RNF19A: variants seen among roughly 807,000 people sequenced by gnomAD.
RNF19A encodes the protein ring finger protein 19A, RBR E3 ubiquitin protein ligase.
Under a neutral mutation model 75.7 loss-of-function variants are expected in RNF19A, and 32 were observed. The observed-to-expected ratio is 0.42, with a 90% CI of 0.32 to 0.57. RNF19A has a LOEUF of 0.57. RNF19A is among the 20% of genes least tolerant of loss of function. RNF19A has a pLI of 0.10. For synonymous variants in RNF19A, 335 were observed against 345.2 expected (o/e 0.97, Z 0.33); for missense variants, 782 against 1,036.3 (o/e 0.75, Z 3.37).
At chr8:100,295,220 T>C (rs969707620) in intron 1 of RNF19A, among the ~76,000 whole-genome samples, 2 of 152,246 alleles carry the variant, frequency 1.3e-5, no homozygotes, top group African/African-American at 4.8e-5. Flanking sequence ...TTGATTTTTA[T>C]TTGGACATAC....
chr8:100,298,825 A>G (rs1180777988), intron 1 of RNF19A, among the ~76,000 whole-genome samples: 1 of 152,242 alleles, frequency 6.6e-6, no homozygotes, highest in Non-Finnish European at 1.5e-5. Context: ...AATTTCTCCA[A>G]TAAAAAACAT....
At position 100,287,857 on chromosome 8, in the gene RNF19A, GTTC is replaced by G. The variant is rs1341117279; in HGVS notation, c.315_317del (p.Lys105del). The G allele has an allele frequency of 3.1e-6, 5 of 1,614,030 alleles. No homozygotes were observed. Among genetic ancestry groups the G allele is most frequent in the East Asian group, 2.2e-5 (1 of 44,898 alleles). The stretch of plus-strand genomic sequence containing the variant: ...AAGAGGTATTTGTAGAGAAAATGGA[GTTC>G]TTATCAGTACACATTTCAGAATGTA... On this transcript the variant is annotated inframe_deletion, in exon 2 of 10. Transcript: ENST00000341084. This position sits in a 1 kb window ranked among gnomAD's most constrained non-coding sequence, Gnocchi z 4.1.
Position 100,287,845 on chromosome 8 carries a change from A to G in RNF19A, c.330T>C (p.Ser110=). 1 of 1,614,190 alleles carries G rather than the reference A, an allele frequency of 6.2e-7. No individual in the cohort carries two copies. Among genetic ancestry groups the G allele is most frequent in the Non-Finnish European group, 8.5e-7 (1 of 1,180,006 alleles). The change falls in exon 2 of 10, where the codon TCT becomes TCC. Residue 110 remains serine, a synonymous_variant. Coordinates refer to ENST00000341084, the MANE Select transcript of RNF19A (RefSeq NM_183419.4). The surrounding 1 kb of genome is among the most constrained non-coding windows in gnomAD (Gnocchi z 4.1). ...EMCTDKNSIF[S]TNTSSDNGLT... is the part of the protein sequence containing the mutation. ...ATCCATTGTCAGAAGAGGTATTTGT[A>G]GAGAAAATGGAGTTCTTATCAGTAC...
chr8:100,270,802 C>T (rs1292347523), intron 3 of RNF19A, among the ~76,000 whole-genome samples: 1 of 152,120 alleles, frequency 6.6e-6, no homozygotes, highest in Non-Finnish European at 1.5e-5. Flanking sequence ...CCCATTTACT[C>T]AACTGTTGTT....
At position 100,264,425 on chromosome 8, in the gene RNF19A, T is replaced by C; in HGVS notation, c.1307-230A>G. ...GGGAAAAAGAGAGAGATGCAAACTT[T>C]TTTCTTTTGAAGTGCCAGGCCTCCG... On this transcript the variant is annotated intron_variant, in intron 6 of 9. Transcript: ENST00000341084. The surrounding 1 kb of genome is among the most constrained non-coding windows in gnomAD (Gnocchi z 4.7). 7.0e-6 allele frequency: 4 copies of C among 575,080 alleles called. No homozygotes were observed. The South Asian group carries it at 9.9e-5, about 14-fold the overall frequency. The allele number at this position is 575,080 out of a possible 1,614,324, so 35.6% of individuals were successfully genotyped here.
chr8:100,318,501 T>C (rs145312313), intron 1 of RNF19A, among the ~76,000 whole-genome samples: 3,323 of 152,274 alleles, frequency 0.022, 67 homozygotes, highest in Non-Finnish European at 0.035. Context: ...AAAAAATGGG[T>C]GCTAATTGTT....
At chr8:100,309,809 A>T (rs556620963) in intron 1 of RNF19A, 58 bp downstream of exon 1, 1 of 985,524 alleles carries the variant, frequency 1.0e-6, no homozygotes, top group East Asian at 1.1e-4. Flanking sequence ...GTCGTAAGCG[A>T]GAGCCGCCCC....
chr8:100,303,761 T>TA (rs60110792), intron 1 of RNF19A, among the ~76,000 whole-genome samples: 10,281 of 94,244 alleles, frequency 0.11, 656 homozygotes, highest in African/African-American at 0.18. Context: ...TCGCCGCTTG[T>TA]AAAAAAAAAA....
In RNF19A at chr8:100,269,360, A is replaced by C. The variant is rs1032151268; in HGVS notation, c.1029-413T>G. On this transcript the variant is annotated intron_variant, in intron 4 of 9. Coordinates refer to ENST00000341084, the MANE Select transcript of RNF19A (RefSeq NM_183419.4). This position sits in a 1 kb window ranked among gnomAD's most constrained non-coding sequence, Gnocchi z 5.7. ...AAACGATAAAATTTATGTATGGGAA[A>C]ATTCAATGAAGTATAAGGTAAGAAC... Among the ~76,000 whole-genome samples, 1 of 152,054 alleles carries C rather than the reference A, an allele frequency of 6.6e-6. No individual in the cohort carries two copies. The highest frequency in any genetic ancestry group is 2.4e-5 in the African/African-American group (1 of 41,530).
rs1822520282 is a variant in RNF19A at position 100,325,352 on chromosome 8, T to A, written c.-243+10756A>T. ...AGTAGTTACAATGTAACTGTGTAAA[T>A]TTATAAATTATAAAATTACAAAGTA... On this transcript the variant is annotated intron_variant, in intron 1 of 3. Transcript: ENST00000519527. This position sits in a 1 kb window ranked among gnomAD's most constrained non-coding sequence, Gnocchi z 4.3. Among the ~76,000 whole-genome samples the A allele has an allele frequency of 6.6e-5, 10 of 152,224 alleles. No homozygotes were observed. In the South Asian group the frequency reaches 1.9e-3, roughly 28 times the overall value.
upstream of RNF19A, chr8:100,310,283 C>T (rs1822254496): frequency 1.0e-6 from 1 of 976,190 alleles, no homozygotes; most frequent in Non-Finnish European, 1.2e-6. Flanking sequence ...CGCGCCCGCG[C>T]AGGAGCCGCC....
intron 2 of RNF19A, among the ~76,000 whole-genome samples, chr8:100,277,965 G>A (rs967982121): frequency 6.6e-6 from 1 of 152,174 alleles, no homozygotes; most frequent in Non-Finnish European, 1.5e-5. Flanking sequence ...GTGTATGCAG[G>A]AGACAATGCC....
At position 100,261,824 on chromosome 8, in the gene RNF19A, A is replaced by C; in HGVS notation, c.1469-69T>G. 6 of 1,445,818 alleles carry C rather than the reference A, an allele frequency of 4.1e-6. No homozygotes were observed. Among genetic ancestry groups the C allele is most frequent in the African/African-American group, 1.4e-5 (1 of 71,686 alleles). The allele number at this position is 1,445,818 out of a possible 1,614,324, so 89.6% of individuals were successfully genotyped here. ...AATTTTCTCCTTCTTAAATTCCTCC[A>C]TGATTTCAGAGAGGACATTATATAA... On this transcript the variant is annotated intron_variant, in intron 7 of 9. Coordinates refer to ENST00000341084, the MANE Select transcript of RNF19A (RefSeq NM_183419.4). This position sits in a 1 kb window ranked among gnomAD's most constrained non-coding sequence, Gnocchi z 4.4.
At chr8:100,292,439 T>TGTGG (rs1563856930) in intron 1 of RNF19A, among the ~76,000 whole-genome samples, 3 of 143,082 alleles carry the variant, frequency 2.1e-5, no homozygotes, top group African/African-American at 8.5e-5. Context: ...CATATGGGTG[T>TGTGG]GTGTGTGTGT....
intron 1 of RNF19A, among the ~76,000 whole-genome samples, chr8:100,299,381 T>C (rs1049213077): frequency 1.3e-5 from 2 of 152,248 alleles, no homozygotes; most frequent in African/African-American, 4.8e-5. Flanking sequence ...AGTATTAGTA[T>C]ACTCTTCTTA....
chr8:100,319,299 T>C (rs544568778), intron 1 of RNF19A, among the ~76,000 whole-genome samples: 1 of 137,946 alleles, frequency 7.2e-6, no homozygotes, highest in Non-Finnish European at 1.7e-5. Flanking sequence ...TTTCTTAGGA[T>C]GAAAGTTTTT....
At position 100,309,898 on chromosome 8, in the gene RNF19A, GT is replaced by G. The variant is rs1190509579; in HGVS notation, c.-126del. ...CTCCTCAGAGCGGCGGCAGCGCAGG[GT>G]GGCGGGCGAGTAGGCCCATCTCCCA... On this transcript the variant is annotated 5_prime_UTR_variant, in exon 1 of 10. The change abolishes the stop of an existing upstream ORF in the 5' untranslated region. Transcript: ENST00000341084. 3 of 985,642 alleles carry G rather than the reference GT, an allele frequency of 3.0e-6. No individual in the cohort carries two copies. The Admixed American group carries it at 1.8e-4, about 61-fold the overall frequency. 61.1% of individuals were successfully genotyped at this position (985,642 alleles called of 1,614,324 possible).
chr8:100,268,537 T>C (rs144543938), intron 5 of RNF19A: 95 of 302,362 alleles, frequency 3.1e-4, no homozygotes, highest in African/African-American at 1.2e-3. Context: ...CAAAGTTTTA[T>C]AATACAAACA....
upstream of RNF19A, among the ~76,000 whole-genome samples, chr8:100,314,067 A>G (rs2130301720): frequency 6.6e-6 from 1 of 151,850 alleles, no homozygotes; most frequent in African/African-American, 2.4e-5. This position sits in a 1 kb window ranked among gnomAD's most constrained non-coding sequence, Gnocchi z 4.1. Flanking sequence ...TTTTTTGTAG[A>G]GACGAGGTTT....
Sources: allele counts gnomAD v4.1 joint callset (sites outside exome capture counted in the v4.1 genomes callset), GRCh38; gene constraint gnomAD v4.1.1; non-coding constraint Gnocchi (gnomAD v3.1); transcripts MANE v1.5; gene names NCBI Gene and HGNC (gene_info 2026-07-23, HGNC 2026-07-21).